The following CDH18 variants were observed in gnomAD, a reference collection of about 807,000 sequenced individuals.
CDH18 encodes the protein cadherin-18.
CDH18 carries 31 observed loss-of-function variants against 67.9 expected under a neutral mutation model. That is an observed-to-expected ratio of 0.46 (90% CI 0.34 to 0.62). The LOEUF (loss-of-function observed/expected upper bound fraction) is 0.62. CDH18 is among the 20% of genes least tolerant of loss of function. The pLI, the probability that CDH18 is intolerant of heterozygous loss-of-function variation, is 0.01. For missense variants in CDH18, 890 were observed against 975.5 expected (o/e 0.91, Z 1.17); for synonymous variants, 362 against 347.2 (o/e 1.04, Z -0.48).
intron 2 of CDH18, among the ~76,000 whole-genome samples, chr5:20,192,055 T>C (rs536861742): frequency 4.2e-4 from 64 of 152,028 alleles, no homozygotes; most frequent in African/African-American, 1.4e-3. Context: ...GCCGTTCTGA[T>C]TGGCGTGAGA....
At chr5:20,192,269 T>C (rs1343315427) in intron 2 of CDH18, among the ~76,000 whole-genome samples, 1 of 151,838 alleles carries the variant, frequency 6.6e-6, no homozygotes, top group Non-Finnish European at 1.5e-5. Context: ...GTCATATGGG[T>C]AGATTGCAAA....
chr5:19,720,396 T>C lies in CDH18; in HGVS notation c.643+951A>G, dbSNP rs996005548. On this transcript the variant is annotated intron_variant, in intron 5 of 12. Transcript: ENST00000382275. ...AAGGATGTATGGTGCTGCTGGAACA[T>C]CCTAGATCTCTCTCTACTTCATCCA... Among the ~76,000 whole-genome samples the C allele has an allele frequency of 2.6e-5, 4 of 152,264 alleles. No individual in the cohort carries two copies. In the South Asian group the frequency reaches 6.2e-4, roughly 24 times the overall value.
chr5:20,198,417 C>T (rs1580457968), intron 2 of CDH18, among the ~76,000 whole-genome samples: 2 of 152,122 alleles, frequency 1.3e-5, no homozygotes, highest in East Asian at 3.9e-4. Flanking sequence ...TCTTACTACA[C>T]TTTAGCAAAG....
chr5:19,818,485 C>A (rs1048512051), intron 3 of CDH18, among the ~76,000 whole-genome samples: 1 of 150,590 alleles, frequency 6.6e-6, no homozygotes, highest in Non-Finnish European at 1.5e-5. Flanking sequence ...AAAGAACGAA[C>A]AAATTGTTTT....
chr5:20,200,034 A>T (rs1739323329), intron 2 of CDH18, among the ~76,000 whole-genome samples: 1 of 152,172 alleles, frequency 6.6e-6, no homozygotes, highest in Admixed American at 6.5e-5. Flanking sequence ...GTATTTCTTC[A>T]TAGCAGCATG....
chr5:19,556,323 T>A (rs1222874040), intron 8 of CDH18, among the ~76,000 whole-genome samples: 1 of 151,630 alleles, frequency 6.6e-6, no homozygotes, highest in Non-Finnish European at 1.5e-5. Flanking sequence ...ATTAAGGCAA[T>A]CAAGGAAGCA....
At chr5:19,819,728 C>G (rs956616973) in intron 3 of CDH18, among the ~76,000 whole-genome samples, 3 of 152,204 alleles carry the variant, frequency 2.0e-5, no homozygotes, top group African/African-American at 7.2e-5. Flanking sequence ...CTGCAAAACA[C>G]AACCATAAGT....
At chr5:19,766,413 C>G (rs941349889) in intron 3 of CDH18, among the ~76,000 whole-genome samples, 3 of 152,160 alleles carry the variant, frequency 2.0e-5, no homozygotes, top group African/African-American at 7.2e-5. Flanking sequence ...TCCACCCCTT[C>G]TCTCCATCAC....
chr5:20,257,109 T>C (rs1744309712), intron 1 of CDH18, among the ~76,000 whole-genome samples: 1 of 152,026 alleles, frequency 6.6e-6, no homozygotes. Flanking sequence ...TCCATGGACC[T>C]TTTCCAAAAT....
At chr5:19,867,549 A>G (rs745649768) in intron 2 of CDH18, among the ~76,000 whole-genome samples, 3 of 152,210 alleles carry the variant, frequency 2.0e-5, no homozygotes, top group African/African-American at 4.8e-5. Context: ...AGGCTATTCA[A>G]TGGTGACTTA....
chr5:20,409,183 A>G (rs1030647112), intron 1 of CDH18, among the ~76,000 whole-genome samples: 1 of 151,870 alleles, frequency 6.6e-6, no homozygotes, highest in Non-Finnish European at 1.5e-5. Flanking sequence ...CCTAACAGGC[A>G]TATACAGAGC....
At chr5:19,506,788 A>T (rs1041829832) in intron 10 of CDH18, among the ~76,000 whole-genome samples, 28 of 152,338 alleles carry the variant, frequency 1.8e-4, no homozygotes, top group African/African-American at 6.7e-4. Flanking sequence ...TTTGACCTAA[A>T]ACCATAAAAA....
chr5:20,384,977 C>A (rs935198021), intron 1 of CDH18, among the ~76,000 whole-genome samples: 8 of 151,984 alleles, frequency 5.3e-5, no homozygotes, highest in African/African-American at 1.9e-4. Context: ...ACTAAGATCA[C>A]GGGTGCCCAC....
chr5:19,535,175 T>C (rs1185334275), intron 9 of CDH18, among the ~76,000 whole-genome samples: 2 of 152,234 alleles, frequency 1.3e-5, no homozygotes, highest in African/African-American at 4.8e-5. Context: ...TTTCTGTTAC[T>C]ACATTATGAA....
intron 3 of CDH18, among the ~76,000 whole-genome samples, chr5:19,820,171 G>A (rs1361881624): frequency 6.6e-6 from 1 of 152,116 alleles, no homozygotes; most frequent in Non-Finnish European, 1.5e-5. Context: ...GCTGGCATGG[G>A]AGTTGGTCAT....
intron 1 of CDH18, among the ~76,000 whole-genome samples, chr5:20,541,048 T>C (rs1487294646): frequency 6.6e-6 from 1 of 152,190 alleles, no homozygotes; most frequent in East Asian, 1.9e-4. Context: ...TATTTGGTCA[T>C]TGTCACATTT....
intron 1 of CDH18, among the ~76,000 whole-genome samples, chr5:20,425,579 C>A (rs1477056244): frequency 6.6e-6 from 1 of 150,762 alleles, no homozygotes; most frequent in Non-Finnish European, 1.5e-5. Context: ...CCATATAACA[C>A]ATAGGTTGAT....
At chr5:19,528,139 A>T (rs951648685) in intron 9 of CDH18, among the ~76,000 whole-genome samples, 3 of 151,832 alleles carry the variant, frequency 2.0e-5, no homozygotes, top group African/African-American at 7.2e-5. Context: ...TATATAAGAA[A>T]ATCTACCAAA....
At chr5:19,560,061 T>C (rs1739182479) in intron 8 of CDH18, among the ~76,000 whole-genome samples, 1 of 151,976 alleles carries the variant, frequency 6.6e-6, no homozygotes, top group Admixed American at 6.6e-5. Flanking sequence ...ATGGAGTCAA[T>C]CAATATTGTA....
Sources: allele counts gnomAD v4.1 joint callset (sites outside exome capture counted in the v4.1 genomes callset), GRCh38; gene constraint gnomAD v4.1.1; transcripts MANE v1.5; gene names NCBI Gene and HGNC (gene_info 2026-07-23, HGNC 2026-07-21).